Variants in FSTL4 observed in about 807,000 individuals in gnomAD.
FSTL4 encodes follistatin like 4.
Under a neutral mutation model 78.2 loss-of-function variants are expected in FSTL4, and 28 were observed. That is an observed-to-expected ratio of 0.36 (90% CI 0.27 to 0.49). FSTL4 has a LOEUF of 0.49. Ranked by LOEUF, FSTL4 falls within the 20% of genes least tolerant of loss-of-function variation. The probability of loss-of-function intolerance (pLI) is 0.98; values close to 1 mark genes in which losing one functional copy is unlikely to be tolerated. For missense variants in FSTL4, 922 were observed against 1,084.9 expected, an observed-to-expected ratio of 0.85 and a Z score of 2.11; for synonymous variants, 422 against 440.5, an observed-to-expected ratio of 0.96 and a Z score of 0.53.
Position 133,511,592 on chromosome 5 carries a change from G to A in FSTL4, c.160+55594C>T, listed in dbSNP as rs189738651. On this transcript the variant is annotated intron_variant, in intron 3 of 15. Coordinates refer to ENST00000265342, the MANE Select transcript of FSTL4 (RefSeq NM_015082.2). ...ACTCTCCCGTGACACATCCTAAGAG[G>A]TGAGCAGAGCCAGCTGGACAGAACT... Among the ~76,000 whole-genome samples the A allele has an allele frequency of 2.0e-3, 312 of 152,308 alleles. 1 individual carries two copies. Among genetic ancestry groups the A allele is most frequent in the African/African-American group, 6.7e-3 (280 of 41,566 alleles).
intron 6 of FSTL4, among the ~76,000 whole-genome samples, chr5:133,263,552 A>G (rs1486883369): frequency 6.6e-6 from 1 of 152,182 alleles, no homozygotes; most frequent in Non-Finnish European, 1.5e-5. Context: ...GCTTGGCAAC[A>G]CAGAGGTCAT....
chr5:133,723,396 G>A, the FSTL4 span, among the ~76,000 whole-genome samples: 1 of 152,322 alleles, frequency 6.6e-6, no homozygotes, highest in East Asian at 1.9e-4. Context: ...CACAGCGGGA[G>A]CTTGGCCTTT....
the FSTL4 span, among the ~76,000 whole-genome samples, chr5:133,731,795 A>G: frequency 1.3e-5 from 2 of 152,214 alleles, no homozygotes; most frequent in Non-Finnish European, 2.9e-5. Context: ...GGAAGCAGAC[A>G]GACACTGCTG....
intron 8 of FSTL4, among the ~76,000 whole-genome samples, chr5:133,231,635 C>T (rs1751497497): frequency 6.6e-6 from 1 of 152,162 alleles, no homozygotes; most frequent in Admixed American, 6.5e-5. Flanking sequence ...CTTCACCTCT[C>T]CGGTTCAAGC....
At chr5:133,722,395 T>C in the FSTL4 span, among the ~76,000 whole-genome samples, 19 of 152,292 alleles carry the variant, frequency 1.2e-4, no homozygotes, top group East Asian at 3.5e-3. Context: ...CTCTCTCGTA[T>C]GTTTTTTATT....
chr5:133,593,002 C>T (rs1760663825), intron 2 of FSTL4, among the ~76,000 whole-genome samples: 3 of 152,180 alleles, frequency 2.0e-5, no homozygotes, highest in Admixed American at 1.3e-4. Context: ...GACCAAGGTG[C>T]AACTCTACAG....
In FSTL4 at chr5:133,398,896, A is replaced by G. The variant is rs147539318; in HGVS notation, c.409+1842T>C. 1.5e-4 allele frequency among the ~76,000 whole-genome samples: 23 copies of G among 152,272 alleles called. No homozygotes were observed. The East Asian group carries it at 4.4e-3, about 29-fold the overall frequency. On this transcript the variant is annotated intron_variant, in intron 4 of 15. Transcript: ENST00000265342. Reference sequence around the variant, plus strand: ...TATACCAAGTGGGCGGCAACTCACAATGTGTGAAAACCTCAATGAGTCAGA... The same window carrying G: ...TATACCAAGTGGGCGGCAACTCACAGTGTGTGAAAACCTCAATGAGTCAGA...
chr5:133,732,526 T>C, the FSTL4 span, among the ~76,000 whole-genome samples: 2 of 152,060 alleles, frequency 1.3e-5, no homozygotes, highest in Non-Finnish European at 2.9e-5. Context: ...AGAAAGCCCA[T>C]CCGTCAGCAG....
intron 3 of FSTL4, among the ~76,000 whole-genome samples, chr5:133,439,619 C>G (rs989872314): frequency 6.6e-6 from 1 of 152,204 alleles, no homozygotes; most frequent in Non-Finnish European, 1.5e-5. Flanking sequence ...AGAGTCCCTT[C>G]CCTCTTGGGG....
the FSTL4 span, among the ~76,000 whole-genome samples, chr5:133,745,034 C>T: frequency 4.4e-3 from 671 of 152,264 alleles, 5 homozygotes; most frequent in African/African-American, 0.016. Flanking sequence ...AATGAGGAGC[C>T]GGATCTGGCC....
At chr5:133,732,444 G>A in the FSTL4 span, among the ~76,000 whole-genome samples, 1 of 152,154 alleles carries the variant, frequency 6.6e-6, no homozygotes, top group African/African-American at 2.4e-5. Context: ...TCTGGAGCCT[G>A]TCTGTGCCAC....
chr5:133,568,117 T>C (rs1245267897), intron 2 of FSTL4, among the ~76,000 whole-genome samples: 1 of 152,084 alleles, frequency 6.6e-6, no homozygotes, highest in African/African-American at 2.4e-5. Flanking sequence ...TGTTGGGTGG[T>C]ATGAAAATTC....
In FSTL4 at chr5:133,202,018, G is replaced by A. The variant is rs781589187; in HGVS notation, c.1741C>T (p.Gln581Ter). ...LQVITEASTG[Q>*]SQHLIRTPFA... Reference sequence around the variant, plus strand: ...GGTGTGCGGATGAGGTGCTGGCTCTGGCCGGTGCTGGCTTCTGTGATCACC... The same window carrying A: ...GGTGTGCGGATGAGGTGCTGGCTCTAGCCGGTGCTGGCTTCTGTGATCACC... Residue 581 changes from glutamine (Q) to a stop codon, truncating the protein, a stop_gained, in exon 15 of 16, where the codon CAG becomes TAG. Transcript: ENST00000265342. LOFTEE classifies it high-confidence loss of function. 1 of 1,610,626 alleles carries A rather than the reference G, an allele frequency of 6.2e-7. No homozygotes were observed. The highest frequency in any genetic ancestry group is 8.5e-7 in the Non-Finnish European group (1 of 1,177,756).
intron 6 of FSTL4, among the ~76,000 whole-genome samples, chr5:133,305,845 T>G (rs77997536): frequency 0.012 from 1,858 of 152,346 alleles, 45 homozygotes; most frequent in African/African-American, 0.042. Flanking sequence ...AGGCTCAGGT[T>G]GGTGGCCTGC....
intron 3 of FSTL4, among the ~76,000 whole-genome samples, chr5:133,425,816 G>T (rs1361545251): frequency 6.6e-6 from 1 of 152,240 alleles, no homozygotes; most frequent in Non-Finnish European, 1.5e-5. Flanking sequence ...GTTTCTGGCT[G>T]TCAAGTGTAG....
the FSTL4 span, among the ~76,000 whole-genome samples, chr5:133,680,435 C>G: frequency 6.6e-6 from 1 of 150,456 alleles, no homozygotes; most frequent in South Asian, 2.1e-4. Flanking sequence ...CCAGCCCACT[C>G]TCATACCCCC....
intron 3 of FSTL4, among the ~76,000 whole-genome samples, chr5:133,538,797 G>A (rs913261237): frequency 6.6e-6 from 1 of 152,144 alleles, no homozygotes; most frequent in African/African-American, 2.4e-5. Flanking sequence ...TGTGGGTTGG[G>A]AATTTGGGAT....
intron 3 of FSTL4, among the ~76,000 whole-genome samples, chr5:133,477,293 G>A (rs1318510078): frequency 6.6e-6 from 1 of 152,218 alleles, no homozygotes; most frequent in Non-Finnish European, 1.5e-5. Context: ...AAGGAAAGGA[G>A]TCAAATTTCT....
chr5:133,645,854 A>G, the FSTL4 span, among the ~76,000 whole-genome samples: 48 of 152,326 alleles, frequency 3.2e-4, no homozygotes, highest in African/African-American at 1.1e-3. Flanking sequence ...TTCCTCCTCT[A>G]GAGCCTTTGG....
Sources: allele counts gnomAD v4.1 joint callset (sites outside exome capture counted in the v4.1 genomes callset), GRCh38; gene constraint gnomAD v4.1.1; transcripts MANE v1.5; gene names NCBI Gene and HGNC (gene_info 2026-07-23, HGNC 2026-07-21).